STMN2: variants seen among roughly 807,000 people sequenced by gnomAD.
STMN2 encodes stathmin 2.
STMN2 carries 2 observed loss-of-function variants against 24.1 expected under a neutral mutation model. The observed-to-expected ratio is 0.08, with a 90% CI of 0.03 to 0.26. STMN2 has a LOEUF of 0.26. Among genes scored for constraint, STMN2 ranks in the 10% least tolerant of loss-of-function variants. The pLI is 1.00. For missense variants in STMN2, 114 were observed against 213.6 expected (o/e 0.53, Z 2.91); for synonymous variants, 83 against 77.5 (o/e 1.07, Z -0.37).
chr8:79,653,782 G>A (rs902073969), intron 3 of STMN2, among the ~76,000 whole-genome samples: 8 of 152,108 alleles, frequency 5.3e-5, no homozygotes, highest in African/African-American at 7.2e-5. Context: ...GGATTGCCTC[G>A]GGGCATCAGC....
At chr8:79,638,954 T>C (rs1357043421) in intron 2 of STMN2, among the ~76,000 whole-genome samples, 1 of 152,202 alleles carries the variant, frequency 6.6e-6, no homozygotes, top group Non-Finnish European at 1.5e-5. Flanking sequence ...AATTTAAGTA[T>C]AATCTTGGAT....
chr8:79,661,235 T>C (rs1806494530), intron 4 of STMN2, among the ~76,000 whole-genome samples: 1 of 152,152 alleles, frequency 6.6e-6, no homozygotes, highest in Admixed American at 6.6e-5. Context: ...GTGGTCATAC[T>C]AATTTACATT....
At chr8:79,612,734 A>C (rs973375114) in intron 1 of STMN2, among the ~76,000 whole-genome samples, 12 of 152,214 alleles carry the variant, frequency 7.9e-5, no homozygotes, top group Non-Finnish European at 1.3e-4. Context: ...ATGCGGAGAC[A>C]GGGAAAGCTG....
chr8:79,647,795 A>T (rs374070551), intron 3 of STMN2, among the ~76,000 whole-genome samples: 2 of 152,220 alleles, frequency 1.3e-5, no homozygotes, highest in African/African-American at 2.4e-5. Context: ...TATCAATCTC[A>T]TCAGGTCAGT....
In STMN2 at chr8:79,641,379, T is replaced by C. The variant is rs762124932; in HGVS notation, c.117T>C (p.Asp39=). 1.9e-6 allele frequency: 3 copies of C among 1,613,098 alleles called. No homozygotes were observed. Among genetic ancestry groups the C allele is most frequent in the African/African-American group, 1.3e-5 (1 of 74,858 alleles). The change falls in exon 3 of 5, where the codon GAT becomes GAC. Residue 39 remains aspartate, a splice_region_variant and synonymous_variant. Coordinates refer to ENST00000220876, the MANE Select transcript of STMN2 (RefSeq NM_007029.4). ...PRNINIYTYD[D]MEVKQINKRA... is the part of the protein sequence containing the mutation. The stretch of plus-strand genomic sequence containing the variant: ...CATTCTCAAATGTTCACTTTTCAGA[T>C]ATGGAAGTGAAGCAAATCAACAAAC...
chr8:79,658,232 C>T (rs544938924), intron 4 of STMN2, among the ~76,000 whole-genome samples: 5 of 152,106 alleles, frequency 3.3e-5, no homozygotes, highest in African/African-American at 7.2e-5. Context: ...CCAAGGAGTT[C>T]GAGACTGCAC....
intron 4 of STMN2, among the ~76,000 whole-genome samples, chr8:79,661,572 G>A (rs894779894): frequency 6.6e-6 from 1 of 151,988 alleles, no homozygotes; most frequent in Non-Finnish European, 1.5e-5. Context: ...AATAGGAAAA[G>A]GGATTAAAAC....
chr8:79,647,271 G>A (rs1308171889), intron 3 of STMN2, among the ~76,000 whole-genome samples: 1 of 152,164 alleles, frequency 6.6e-6, no homozygotes, highest in African/African-American at 2.4e-5. Flanking sequence ...AAGATAAGCA[G>A]TATTGCACTA....
chr8:79,632,207 T>C lies in STMN2; in HGVS notation c.20-4595T>C, dbSNP rs186804772. ...TTTTTTCTTAAGGAAAGAGGTGCTT[T>C]CTGCCACGTATATATAAATTGGTAA... On this transcript the variant is annotated intron_variant, in intron 1 of 4. Transcript: ENST00000220876. Among the ~76,000 whole-genome samples the C allele has an allele frequency of 3.2e-3, 492 of 152,084 alleles. 3 individuals are homozygous for C. Among genetic ancestry groups the C allele is most frequent in the Middle Eastern group, 0.017 (5 of 294 alleles).
chr8:79,658,902 C>A lies in STMN2; in HGVS notation c.480+3840C>A, dbSNP rs142951694. Among the ~76,000 whole-genome samples, 3 of 152,204 alleles carry A rather than the reference C, an allele frequency of 2.0e-5. No homozygotes were observed. The East Asian group carries it at 5.8e-4, about 29-fold the overall frequency. On this transcript the variant is annotated intron_variant, in intron 4 of 4. Coordinates refer to ENST00000220876, the MANE Select transcript of STMN2 (RefSeq NM_007029.4). ...GCACTTCGGAATCTACTGGACAGCT[C>A]TTTAAGGGATTCTGATTTAATGTCT...
intron 1 of STMN2, among the ~76,000 whole-genome samples, chr8:79,633,368 A>T (rs1037638634): frequency 6.6e-6 from 1 of 152,234 alleles, no homozygotes; most frequent in African/African-American, 2.4e-5. Flanking sequence ...CTATTAAAGG[A>T]ATCACCACCC....
intron 1 of STMN2, among the ~76,000 whole-genome samples, chr8:79,612,766 G>A (rs970349052): frequency 2.6e-5 from 4 of 152,224 alleles, no homozygotes; most frequent in African/African-American, 9.6e-5. Flanking sequence ...CCATCTGCGC[G>A]GCTCCGCCCT....
chr8:79,613,427 G>T, intron 1 of STMN2: 1 of 985,448 alleles, frequency 1.0e-6, no homozygotes, highest in Non-Finnish European at 1.2e-6. Flanking sequence ...GGGGAGACCG[G>T]TTTCTGCGCA....
chr8:79,646,888 G>A (rs1810229550), intron 3 of STMN2, among the ~76,000 whole-genome samples: 1 of 152,208 alleles, frequency 6.6e-6, no homozygotes, highest in African/African-American at 2.4e-5. Flanking sequence ...AGGATCCACA[G>A]AGGCGAGAAT....
At chr8:79,639,513 A>G (rs1212799788) in intron 2 of STMN2, among the ~76,000 whole-genome samples, 1 of 152,222 alleles carries the variant, frequency 6.6e-6, no homozygotes, top group East Asian at 1.9e-4. Context: ...ATTTTACTAA[A>G]TTGTGAGTTC....
intron 3 of STMN2, among the ~76,000 whole-genome samples, chr8:79,643,149 G>GTGTGTATATATATATA (rs764308760): frequency 3.6e-5 from 5 of 140,106 alleles, no homozygotes; most frequent in African/African-American, 1.1e-4. Flanking sequence ...ATGTGTGTGT[G>GTGTGTATATATATATA]TATATATATA....
At chr8:79,625,286 T>C (rs1028150305) in intron 1 of STMN2, among the ~76,000 whole-genome samples, 1 of 152,238 alleles carries the variant, frequency 6.6e-6, no homozygotes, top group Non-Finnish European at 1.5e-5. Context: ...TTTCACTTAC[T>C]TTCCCTTTCT....
At chr8:79,625,367 A>T (rs1482349811) in intron 1 of STMN2, among the ~76,000 whole-genome samples, 1 of 152,188 alleles carries the variant, frequency 6.6e-6, no homozygotes, top group East Asian at 1.9e-4. Flanking sequence ...TGTGCCAAGT[A>T]TCTTATAGGA....
chr8:79,664,434 G>A (rs1364200779), intron 4 of STMN2, among the ~76,000 whole-genome samples: 1 of 152,142 alleles, frequency 6.6e-6, no homozygotes, highest in African/African-American at 2.4e-5. Context: ...CTCCCAGAGT[G>A]TCCATCAGGA....
Sources: gnomAD v4.1 joint callset for allele counts (sites outside exome capture counted in the v4.1 genomes callset) on GRCh38, gnomAD v4.1.1 for gene constraint, MANE v1.5 for transcripts, NCBI Gene and HGNC (gene_info 2026-07-23, HGNC 2026-07-21) for gene names.